PCSK2: variants seen among roughly 807,000 people sequenced by gnomAD.
The protein encoded by PCSK2 is neuroendocrine convertase 2.
In PCSK2, 14 loss-of-function variants were observed where a neutral mutation model predicts 69.7. The ratio of observed to expected loss-of-function variants is 0.20; its 90% CI spans 0.13 to 0.31. The LOEUF (loss-of-function observed/expected upper bound fraction) is 0.31, where lower values mean the gene tolerates loss of function less well. Ranked by LOEUF, PCSK2 falls within the 10% of genes least tolerant of loss-of-function variation. The probability of loss-of-function intolerance (pLI) is 1.00; values close to 1 mark genes in which losing one functional copy is unlikely to be tolerated. For missense variants in PCSK2, 544 were observed against 842.5 expected, an observed-to-expected ratio of 0.65 and a Z score of 4.39; for synonymous variants, 307 against 320.7, an observed-to-expected ratio of 0.96 and a Z score of 0.46.
At chr20:17,466,945 C>G (rs758161242) in intron 11 of PCSK2, among the ~76,000 whole-genome samples, 5 of 152,194 alleles carry the variant, frequency 3.3e-5, no homozygotes, top group Non-Finnish European at 5.9e-5. Context: ...TCCAGGTCAC[C>G]ATGTGTAGTC....
chr20:17,332,767 T>G (rs1465542238), intron 2 of PCSK2, among the ~76,000 whole-genome samples: 1 of 152,194 alleles, frequency 6.6e-6, no homozygotes, highest in African/African-American at 2.4e-5. Flanking sequence ...GCATTCACCA[T>G]TGCTGACCTG....
At chr20:17,479,783 C>T (rs1219301766) in intron 11 of PCSK2, among the ~76,000 whole-genome samples, 2 of 108,286 alleles carry the variant, frequency 1.8e-5, no homozygotes, top group Admixed American at 2.8e-4. Context: ...GGCGACAGAG[C>T]AAGACTCCGT....
At chr20:17,254,766 A>T (rs998383503) in intron 1 of PCSK2, among the ~76,000 whole-genome samples, 2 of 152,224 alleles carry the variant, frequency 1.3e-5, no homozygotes, top group Non-Finnish European at 2.9e-5. Flanking sequence ...GAATTTACAG[A>T]TAAGTTAGGG....
At chr20:17,362,541 C>T (rs1360646014) in intron 4 of PCSK2, among the ~76,000 whole-genome samples, 1 of 152,156 alleles carries the variant, frequency 6.6e-6, no homozygotes, top group African/African-American at 2.4e-5. Context: ...CAGCCTCCCT[C>T]CCTTTCCATG....
Position 17,436,855 on chromosome 20 carries a change from T to G in PCSK2, c.857T>G (p.Leu286Arg). 1 of 1,613,204 alleles carries G rather than the reference T, an allele frequency of 6.2e-7. No homozygotes were observed. The highest frequency in any genetic ancestry group is 8.5e-7 in the Non-Finnish European group (1 of 1,179,812). ...KTVDGPRELT[L>R]QAMADGVNKG... ...GTGGATGGGCCCCGGGAGCTCACGC[T>G]GCAGGCCATGGCCGATGGCGTGAAC... The change falls in exon 8 of 12, where the codon CTG becomes CGG. Residue 286 changes from leucine to arginine, a missense_variant. Coordinates refer to ENST00000262545, the MANE Select transcript of PCSK2 (RefSeq NM_002594.5).
intron 6 of PCSK2, among the ~76,000 whole-genome samples, chr20:17,413,692 T>G (rs543711095): frequency 6.6e-6 from 1 of 152,318 alleles, no homozygotes; most frequent in Non-Finnish European, 1.5e-5. Context: ...CTAATAGACA[T>G]CTACAGAATT....
intron 2 of PCSK2, among the ~76,000 whole-genome samples, chr20:17,319,463 G>T (rs59897850): frequency 6.6e-6 from 1 of 152,326 alleles, no homozygotes; most frequent in African/African-American, 2.4e-5. Flanking sequence ...AGGTGCAAGG[G>T]ATTGGGCCCT....
At chr20:17,401,606 G>T (rs1203461033) in intron 5 of PCSK2, among the ~76,000 whole-genome samples, 1 of 152,182 alleles carries the variant, frequency 6.6e-6, no homozygotes, top group Non-Finnish European at 1.5e-5. Context: ...TCAAAAGATT[G>T]AAATTACACA....
chr20:17,382,397 A>T (rs1339310917), intron 5 of PCSK2, among the ~76,000 whole-genome samples: 1 of 152,204 alleles, frequency 6.6e-6, no homozygotes, highest in Non-Finnish European at 1.5e-5. Flanking sequence ...GCCTTAGCTC[A>T]CACAGACAGT....
At chr20:17,280,915 G>A (rs1240689244) in intron 2 of PCSK2, among the ~76,000 whole-genome samples, 1 of 152,178 alleles carries the variant, frequency 6.6e-6, no homozygotes, top group Non-Finnish European at 1.5e-5. Context: ...AGCAACCTCA[G>A]TGGATTGTTC....
intron 1 of PCSK2, among the ~76,000 whole-genome samples, chr20:17,257,880 T>G (rs1987236228): frequency 6.6e-6 from 1 of 152,246 alleles, no homozygotes; most frequent in African/African-American, 2.4e-5. Context: ...ATGGACATCT[T>G]ATTCCCTAGA....
At chr20:17,425,949 C>G (rs964068675) in intron 6 of PCSK2, among the ~76,000 whole-genome samples, 1 of 152,114 alleles carries the variant, frequency 6.6e-6, no homozygotes. Context: ...GGATGGGAGC[C>G]TTACTGCAGC....
chr20:17,455,987 T>C (rs1317269000), intron 9 of PCSK2, among the ~76,000 whole-genome samples: 1 of 152,194 alleles, frequency 6.6e-6, no homozygotes, highest in East Asian at 1.9e-4. Context: ...GACTCATGCC[T>C]GTAATCCTTT....
At chr20:17,394,235 C>G (rs2031455936) in intron 5 of PCSK2, among the ~76,000 whole-genome samples, 1 of 152,174 alleles carries the variant, frequency 6.6e-6, no homozygotes, top group Non-Finnish European at 1.5e-5. Flanking sequence ...CTTATAATGT[C>G]AAATGATACT....
At chr20:17,324,083 C>T (rs563896344) in intron 2 of PCSK2, among the ~76,000 whole-genome samples, 1 of 152,354 alleles carries the variant, frequency 6.6e-6, no homozygotes, top group Non-Finnish European at 1.5e-5. Context: ...GTACTATTCC[C>T]AGAATTCCCC....
chr20:17,263,794 T>C (rs1170968902), intron 2 of PCSK2, among the ~76,000 whole-genome samples: 1 of 152,212 alleles, frequency 6.6e-6, no homozygotes, highest in Non-Finnish European at 1.5e-5. Flanking sequence ...ATATTCACAG[T>C]CGTGGTACAG....
intron 5 of PCSK2, among the ~76,000 whole-genome samples, chr20:17,395,209 C>A (rs1325296401): frequency 1.3e-5 from 2 of 152,264 alleles, no homozygotes; most frequent in East Asian, 1.9e-4. Flanking sequence ...TTAACTGTTA[C>A]AAGAAAAAAC....
chr20:17,230,717 A>G (rs916540989), intron 1 of PCSK2, among the ~76,000 whole-genome samples: 1 of 152,184 alleles, frequency 6.6e-6, no homozygotes, highest in Non-Finnish European at 1.5e-5. Context: ...ATGACATACT[A>G]TATCTTTATA....
rs60206058 is a variant in PCSK2 at position 17,428,997 on chromosome 20, C to CAAAAAAAAAA, written c.621-415_621-406dup. Reference sequence around the variant, plus strand: ...CTGGGTGACCGAGGAGACTCTGTCTCAAAAAAAAAAAAAAAAAAAAAAAAA... The same window carrying CAAAAAAAAAA: ...CTGGGTGACCGAGGAGACTCTGTCTCAAAAAAAAAAAAAAAAAAAAAAAAAAAAAAAAAAA... On this transcript the variant is annotated intron_variant, in intron 6 of 11. Coordinates refer to ENST00000262545, the MANE Select transcript of PCSK2 (RefSeq NM_002594.5). Among the ~76,000 whole-genome samples, 40 of 36,952 alleles carry CAAAAAAAAAA rather than the reference C, an allele frequency of 1.1e-3. 1 individual carries two copies. The highest frequency in any genetic ancestry group is 2.9e-3 in the South Asian group (2 of 686). 24.2% of individuals were successfully genotyped at this position (36,952 alleles called of 152,430 possible).
Sources: gnomAD v4.1 joint callset for allele counts (sites outside exome capture counted in the v4.1 genomes callset) on GRCh38, gnomAD v4.1.1 for gene constraint, MANE v1.5 for transcripts, NCBI Gene and HGNC (gene_info 2026-07-23, HGNC 2026-07-21) for gene names.